The following CHLSN variants were observed in gnomAD, a reference collection of about 807,000 sequenced individuals.
The protein encoded by CHLSN is protein cholesin.
chr7:1,100,220 G>C, the CHLSN span, among the ~76,000 whole-genome samples: 9 of 152,224 alleles, frequency 5.9e-5, no homozygotes, highest in African/African-American at 2.2e-4. Context: ...TGAGCCCTCA[G>C]TGGAGCCCCA....
chr7:980,777 T>A, the CHLSN span, among the ~76,000 whole-genome samples: 1 of 144,502 alleles, frequency 6.9e-6, no homozygotes, highest in Non-Finnish European at 1.5e-5. Context: ...AAGCTCCGCC[T>A]CCCGGGTTCA....
chr7:1,073,521 C>G, the CHLSN span, among the ~76,000 whole-genome samples: 2 of 151,900 alleles, frequency 1.3e-5, no homozygotes, highest in Admixed American at 1.3e-4. Context: ...CTCACAACTC[C>G]TTGAGACACT....
At chr7:1,121,057 G>A in the CHLSN span, among the ~76,000 whole-genome samples, 2 of 152,004 alleles carry the variant, frequency 1.3e-5, no homozygotes, top group Non-Finnish European at 2.9e-5. Flanking sequence ...GATCAAAAAC[G>A]GATGGACACG....
the CHLSN span, chr7:1,043,460 G>A: frequency 6.6e-6 from 1 of 152,274 alleles, no homozygotes; most frequent in African/African-American, 2.4e-5. Context: ...AACAATGGTT[G>A]AGGCTCAGAA....
chr7:1,002,988 G>A, the CHLSN span, among the ~76,000 whole-genome samples: 1 of 71,432 alleles, frequency 1.4e-5, no homozygotes, highest in Non-Finnish European at 2.8e-5. Flanking sequence ...GGTGAGTGGA[G>A]TCCTGTGGGT....
At chr7:1,002,381 G>GA in the CHLSN span, among the ~76,000 whole-genome samples, 2 of 130,528 alleles carry the variant, frequency 1.5e-5, no homozygotes, top group Non-Finnish European at 3.3e-5. Flanking sequence ...TCCTGTGGGT[G>GA]GGGAGTCCTG....
the CHLSN span, among the ~76,000 whole-genome samples, chr7:1,103,912 G>A: frequency 6.6e-6 from 1 of 152,254 alleles, no homozygotes. Context: ...AGAGCTGGAA[G>A]GATGGAAGGA....
chr7:1,046,384 A>G, the CHLSN span, among the ~76,000 whole-genome samples: 1 of 152,156 alleles, frequency 6.6e-6, no homozygotes, highest in Non-Finnish European at 1.5e-5. Context: ...TTCTGTCAAC[A>G]GTGTTTCCCA....
chr7:1,103,550 C>T, the CHLSN span, among the ~76,000 whole-genome samples: 1 of 152,226 alleles, frequency 6.6e-6, no homozygotes, highest in South Asian at 2.1e-4. Flanking sequence ...GAGACATTGG[C>T]TGATGAAACT....
At chr7:1,098,977 T>A in the CHLSN span, among the ~76,000 whole-genome samples, 11 of 152,272 alleles carry the variant, frequency 7.2e-5, no homozygotes, top group Non-Finnish European at 5.9e-5. Flanking sequence ...ATTTCTGCTA[T>A]GTAAATTACA....
At chr7:1,115,151 A>G in the CHLSN span, among the ~76,000 whole-genome samples, 1 of 152,246 alleles carries the variant, frequency 6.6e-6, no homozygotes, top group Non-Finnish European at 1.5e-5. Context: ...ATAAGATCCA[A>G]AAAGATATGC....
the CHLSN span, among the ~76,000 whole-genome samples, chr7:993,529 C>T: frequency 0.034 from 5,106 of 152,190 alleles, 154 homozygotes; most frequent in Admixed American, 0.087. Context: ...ATCCCAGGCA[C>T]GGTGGGAGGC....
chr7:1,057,779 G>A, the CHLSN span: 6 of 775,876 alleles, frequency 7.7e-6, no homozygotes, highest in African/African-American at 1.7e-5. Flanking sequence ...TCGGCCCCCC[G>A]AGCTCCCGGT....
the CHLSN span, chr7:1,093,854 G>A: frequency 3.2e-5 from 11 of 340,784 alleles, no homozygotes; most frequent in African/African-American, 2.2e-4. Flanking sequence ...AGTGGGGTGG[G>A]ACGTGGGGTG....
chr7:1,133,594 CA>C, the CHLSN span, among the ~76,000 whole-genome samples: 15,965 of 147,168 alleles, frequency 0.11, 1,467 homozygotes, highest in African/African-American at 0.25. Context: ...ACTAAAAATA[CA>C]AAAAAAAAAT....
At chr7:1,089,900 T>C in the CHLSN span, among the ~76,000 whole-genome samples, 7 of 151,232 alleles carry the variant, frequency 4.6e-5, no homozygotes, top group South Asian at 1.5e-3. Context: ...CTGGGCAACA[T>C]GGTAAAACCC....
At chr7:1,136,571 C>CATATATATGAGCATAT in the CHLSN span, among the ~76,000 whole-genome samples, 1 of 27,252 alleles carries the variant, frequency 3.7e-5, no homozygotes, top group African/African-American at 1.1e-4. Context: ...AACATATAAA[C>CATATATATGAGCATAT]ATAAACATAT....
chr7:1,004,083 A>G, the CHLSN span, among the ~76,000 whole-genome samples: 1 of 152,008 alleles, frequency 6.6e-6, no homozygotes, highest in Non-Finnish European at 1.5e-5. Flanking sequence ...CGCCAGCCCC[A>G]TGTGCAGTGA....
the CHLSN span, among the ~76,000 whole-genome samples, chr7:1,049,570 G>A: frequency 1.3e-5 from 2 of 152,158 alleles, no homozygotes; most frequent in Admixed American, 6.5e-5. Flanking sequence ...GAAGACGGAG[G>A]GCGAGGGAGT....
Sources: gnomAD v4.1 joint callset for allele counts (sites outside exome capture counted in the v4.1 genomes callset) on GRCh38, gnomAD v4.1.1 for gene constraint, MANE v1.5 for transcripts, NCBI Gene and HGNC (gene_info 2026-07-23, HGNC 2026-07-21) for gene names.